Variants in RAB40B observed in about 807,000 individuals in gnomAD.
The protein encoded by RAB40B is RAB40B, member RAS oncogene family, also known as ras-related protein Rab-40B.
A neutral mutation model predicts 24.0 loss-of-function variants in RAB40B; 21 were observed. That is an observed-to-expected ratio of 0.88 (90% confidence interval 0.62 to 1.26). The LOEUF (loss-of-function observed/expected upper bound fraction) is 1.26. Ranked by LOEUF, RAB40B falls within the 50% of genes most tolerant of loss-of-function variation. The pLI is 0.00. For synonymous variants in RAB40B, 167 were observed against 169.8 expected (o/e 0.98, Z 0.13); for missense variants, 348 against 390.5 (o/e 0.89, Z 0.92).
At chr17:82,662,727 C>T (rs994184584) in intron 2 of RAB40B, 1 of 985,198 alleles carries the variant, frequency 1.0e-6, no homozygotes, top group African/African-American at 1.7e-5. Context: ...TGGCAGAAGC[C>T]CCCTGGGATC....
At position 82,697,744 on chromosome 17, in the gene RAB40B, AGC is replaced by A. The variant is rs2046625628; in HGVS notation, c.142+709_142+710del. On this transcript the variant is annotated intron_variant, in intron 1 of 5. Coordinates refer to ENST00000571995, the MANE Select transcript of RAB40B (RefSeq NM_006822.3). This position sits in a 1 kb window ranked among gnomAD's most constrained non-coding sequence, Gnocchi z 4.9. The stretch of plus-strand genomic sequence containing the variant: ...CCCCCTCGCCGGGCGCCGGCTTTCA[AGC>A]CTCAAACTTGGGGGATCCCCGGGCT... Among the ~76,000 whole-genome samples, 1 of 151,958 alleles carries A rather than the reference AGC, an allele frequency of 6.6e-6. No individual in the cohort carries two copies. The highest frequency in any genetic ancestry group is 1.5e-5 in the Non-Finnish European group (1 of 67,952).
intron 1 of RAB40B, among the ~76,000 whole-genome samples, chr17:82,686,442 A>T (rs2046502926): frequency 6.6e-6 from 1 of 152,204 alleles, no homozygotes; most frequent in Non-Finnish European, 1.5e-5. Context: ...TCAAGTTAAG[A>T]TGAGGTCATA....
rs1232642078 is a variant in RAB40B at position 82,655,654 on chromosome 17, C to G, written c.*2209G>C. On this transcript the variant is annotated 3_prime_UTR_variant, in exon 6 of 6. Transcript: ENST00000571995. ...TTTGCAGCTGGGAGGTCGGCCCTGT[C>G]GTTCTCACCCCACCTGTGGCACAGC... 6.6e-6 allele frequency: 1 copy of G among 152,286 alleles called. No homozygotes were observed. The allele number at this position is 152,286 out of a possible 1,614,324, so 9.4% of individuals were successfully genotyped here.
intron 5 of RAB40B, 113 bp downstream of exon 5, chr17:82,658,378 G>A (rs1232755636): frequency 1.6e-6 from 2 of 1,271,172 alleles, no homozygotes; most frequent in Non-Finnish European, 2.2e-6. Flanking sequence ...TCTGAGAACG[G>A]ACACAGTGGC....
At chr17:82,662,862 C>T (rs7225680) in intron 2 of RAB40B, 10,507 of 970,180 alleles carry the variant, frequency 0.011, 59 homozygotes, top group South Asian at 0.028. Flanking sequence ...AGAGGGCACG[C>T]GCCAGCCCTG....
rs1278800259 is a variant in RAB40B at position 82,679,102 on chromosome 17, C to A, written c.143-14546G>T. ...GTTTCACCGTGTTAGCCAGGATAGTCTCGATCTCCTGACCTCGTGATCCAC... is the reference window on the plus strand; with the variant it reads ...GTTTCACCGTGTTAGCCAGGATAGTATCGATCTCCTGACCTCGTGATCCAC... On this transcript the variant is annotated intron_variant, in intron 1 of 5. Coordinates refer to ENST00000571995, the MANE Select transcript of RAB40B (RefSeq NM_006822.3). Among the ~76,000 whole-genome samples the A allele has an allele frequency of 2.0e-5, 3 of 150,744 alleles. No individual in the cohort carries two copies. The East Asian group carries it at 5.9e-4, about 30-fold the overall frequency.
chr17:82,662,056 G>C, intron 2 of RAB40B: 3 of 985,428 alleles, frequency 3.0e-6, no homozygotes, highest in East Asian at 1.1e-4. Context: ...TGGGCCAGGG[G>C]CTGGCCCCGC....
rs2046386866 is a variant in RAB40B, at chr17:82,675,641, G to A, written c.143-11085C>T. ...GGTCCAGGCAGAGCCAGTGTCTGAC[G>A]AGGGCTGCATCCTGGTTCATGGAGG... On this transcript the variant is annotated intron_variant, in intron 1 of 5. Transcript: ENST00000571995. This position sits in a 1 kb window ranked among gnomAD's most constrained non-coding sequence, Gnocchi z 4.5. Among the ~76,000 whole-genome samples the A allele has an allele frequency of 2.0e-5, 3 of 152,144 alleles. 1 individual carries two copies. Among genetic ancestry groups the A allele is most frequent in the Non-Finnish European group, 4.4e-5 (3 of 68,034 alleles).
At chr17:82,662,289 C>T (rs1214413761) in intron 2 of RAB40B, 1 of 985,376 alleles carries the variant, frequency 1.0e-6, no homozygotes, top group Non-Finnish European at 1.2e-6. Context: ...ACCTCAGGTG[C>T]TCAGGCTTTG....
chr17:82,659,007 C>T, intron 4 of RAB40B: 1 of 373,780 alleles, frequency 2.7e-6, no homozygotes, highest in South Asian at 4.4e-5. Flanking sequence ...AGCCACAAGC[C>T]AGGGAGGGCC....
Position 82,667,941 on chromosome 17 carries a change from C to T in RAB40B, c.143-3385G>A, listed in dbSNP as rs568377701. Among the ~76,000 whole-genome samples, 1 of 152,090 alleles carries T rather than the reference C, an allele frequency of 6.6e-6. No homozygotes were observed. The highest frequency in any genetic ancestry group is 1.5e-5 in the Non-Finnish European group (1 of 68,028). On this transcript the variant is annotated intron_variant, in intron 1 of 5. Transcript: ENST00000571995. The surrounding 1 kb of genome is among the most constrained non-coding windows in gnomAD (Gnocchi z 4.3). The stretch of plus-strand genomic sequence containing the variant: ...TCTCTCTTCTTGGCATGGGCGCTGA[C>T]GGGGCACTGATGGGGCCTTTGGGAT...
rs529291633 is a variant in RAB40B at position 82,667,847 on chromosome 17, C to G, written c.143-3291G>C. 6.6e-6 allele frequency among the ~76,000 whole-genome samples: 1 copy of G among 152,174 alleles called. No individual in the cohort carries two copies. Among genetic ancestry groups the G allele is most frequent in the Admixed American group, 6.5e-5 (1 of 15,282 alleles). On this transcript the variant is annotated intron_variant, in intron 1 of 5. Transcript: ENST00000571995. This position sits in a 1 kb window ranked among gnomAD's most constrained non-coding sequence, Gnocchi z 4.3. Reference sequence around the variant, plus strand: ...AAGCAGTCCCCTGACCCACCCAGTACGAGGCTTTCCTGAGCTGGCCAAACG... The same window carrying G: ...AAGCAGTCCCCTGACCCACCCAGTAGGAGGCTTTCCTGAGCTGGCCAAACG...
At chr17:82,664,777 G>C in intron 1 of RAB40B, 1 of 525,044 alleles carries the variant, frequency 1.9e-6, no homozygotes, top group South Asian at 2.1e-5. Flanking sequence ...TGGCCTCTGT[G>C]GGGGTCAGGC....
intron 1 of RAB40B, among the ~76,000 whole-genome samples, chr17:82,693,151 C>T (rs763968492): frequency 6.6e-6 from 1 of 151,958 alleles, no homozygotes; most frequent in Non-Finnish European, 1.5e-5. Context: ...TACAGGTGCC[C>T]GCCACCACAC....
chr17:82,662,209 T>C, intron 2 of RAB40B: 3 of 985,438 alleles, frequency 3.0e-6, no homozygotes, highest in Non-Finnish European at 3.6e-6. Context: ...CACTGGCCAT[T>C]GCCAAAGCCT....
intron 1 of RAB40B, among the ~76,000 whole-genome samples, chr17:82,681,046 AAAAAG>A: frequency 6.7e-6 from 1 of 150,108 alleles, no homozygotes; most frequent in African/African-American, 2.4e-5. Context: ...AAAAAAAAAA[AAAAAG>A]AAAGAGAAAA....
At chr17:82,691,880 C>T (rs1021165218) in intron 1 of RAB40B, among the ~76,000 whole-genome samples, 3 of 152,044 alleles carry the variant, frequency 2.0e-5, no homozygotes, top group Non-Finnish European at 2.9e-5. Flanking sequence ...GGGGAAAGAG[C>T]GTGAACCGGG....
chr17:82,680,307 G>T (rs1460638960), intron 1 of RAB40B, among the ~76,000 whole-genome samples: 1 of 152,192 alleles, frequency 6.6e-6, no homozygotes, highest in Non-Finnish European at 1.5e-5. Flanking sequence ...CTGGGTCGCA[G>T]GCAGGAGCCC....
At chr17:82,684,116 G>A (rs1328453895) in intron 1 of RAB40B, among the ~76,000 whole-genome samples, 2 of 151,728 alleles carry the variant, frequency 1.3e-5, no homozygotes, top group Non-Finnish European at 2.9e-5. Context: ...AGCTACTCGG[G>A]AGGCTGAGGC....
Sources: allele counts gnomAD v4.1 joint callset (sites outside exome capture counted in the v4.1 genomes callset), GRCh38; gene constraint gnomAD v4.1.1; non-coding constraint Gnocchi (gnomAD v3.1); transcripts MANE v1.5; gene names NCBI Gene and HGNC (gene_info 2026-07-23, HGNC 2026-07-21).